CNKSR2: variants seen among roughly 807,000 people sequenced by gnomAD.
The protein encoded by CNKSR2 is connector enhancer of kinase suppressor of Ras 2.
In CNKSR2, 14 loss-of-function variants were observed where a neutral mutation model predicts 84.4. The ratio of observed to expected loss-of-function variants is 0.17; its 90% CI spans 0.11 to 0.26. The LOEUF is 0.26. Among genes scored for constraint, CNKSR2 ranks in the 10% least tolerant of loss-of-function variants. The pLI, the probability that CNKSR2 is intolerant of heterozygous loss-of-function variation, is 1.00. For synonymous variants in CNKSR2, 275 were observed against 277.9 expected, an observed-to-expected ratio of 0.99 and a Z score of 0.10; for missense variants, 485 against 771.2, an observed-to-expected ratio of 0.63 and a Z score of 4.40.
At chrX:21,382,930 T>C (rs1458637972) in intron 1 of CNKSR2, among the ~76,000 whole-genome samples, 2 of 112,322 alleles carry the variant, frequency 1.8e-5, no homozygotes, top group South Asian at 7.2e-4. Context: ...GTTTGCTAAA[T>C]ACAGGTGCCT....
intron 20 of CNKSR2, among the ~76,000 whole-genome samples, chrX:21,624,117 T>G (rs1480237082): frequency 8.9e-6 from 1 of 112,178 alleles, no homozygotes; most frequent in Non-Finnish European, 1.9e-5. Flanking sequence ...TTGATATTAA[T>G]CAGGAGCCCT....
intron 21 of CNKSR2, among the ~76,000 whole-genome samples, chrX:21,650,633 G>A (rs1482719922): frequency 9.0e-6 from 1 of 111,444 alleles, no homozygotes; most frequent in African/African-American, 3.3e-5. Context: ...GGAAACAGAA[G>A]GTCAGAGGGC....
At chrX:21,583,250 TTC>T in intron 13 of CNKSR2, among the ~76,000 whole-genome samples, 1 of 111,729 alleles carries the variant, frequency 9.0e-6, no homozygotes, top group Non-Finnish European at 1.9e-5. Context: ...CTCCAAGTTT[TTC>T]TTTCATGCAC....
At chrX:21,648,643 TTTG>T (rs2092712291) in intron 20 of CNKSR2, among the ~76,000 whole-genome samples, 185 bp from the exon 21 acceptor site, 1 of 110,348 alleles carries the variant, frequency 9.1e-6, no homozygotes, top group Non-Finnish European at 1.9e-5. Context: ...GCTGTGGGTT[TTTG>T]TTGTTGTTTT....
In CNKSR2 at chrX:21,532,105, T is replaced by G. The variant is rs756097058; in HGVS notation, c.1303+38T>G. 8.7e-5 allele frequency: 88 copies of G among 1,012,771 alleles called. No homozygotes were observed. The East Asian group carries it at 1.5e-3, about 17-fold the overall frequency. The allele number at this position is 1,012,771 out of a possible 1,213,427, so 83.5% of individuals were successfully genotyped here. The stretch of plus-strand genomic sequence containing the variant: ...CTTTTATGTTTATATAAGACTATAT[T>G]TCTGGCATAGGAATCTCAATTTCCT... On this transcript the variant is annotated intron_variant, in intron 11 of 21. Coordinates refer to ENST00000379510, the MANE Select transcript of CNKSR2 (RefSeq NM_014927.5).
chrX:21,400,919 A>G (rs1191799392), intron 1 of CNKSR2, among the ~76,000 whole-genome samples: 1 of 111,565 alleles, frequency 9.0e-6, no homozygotes, highest in African/African-American at 3.2e-5. Flanking sequence ...ATCACATTTT[A>G]AAATTTTATG....
chrX:21,445,024 AG>A lies in CNKSR2; in HGVS notation c.519+4244del, dbSNP rs778671263. 2.1e-3 allele frequency among the ~76,000 whole-genome samples: 237 copies of A among 111,427 alleles called. 2 individuals carry two copies. The highest frequency in any genetic ancestry group is 3.7e-3 in the Non-Finnish European group (194 of 52,859). On this transcript the variant is annotated intron_variant, in intron 4 of 21. Transcript: ENST00000379510. ...TACGTATTCTATCGTTCATATGGTA[AG>A]TGTTGAAAGCATATGAAAAGCCTGT...
intron 8 of CNKSR2, chrX:21,505,945 C>A (rs1417041626): frequency 9.1e-6 from 1 of 109,915 alleles, no homozygotes; most frequent in Admixed American, 9.7e-5. Context: ...TTATCATTCT[C>A]ATCTCTTCTC....
chrX:21,604,326 G>A (rs2147274548), intron 18 of CNKSR2, among the ~76,000 whole-genome samples: 1 of 110,644 alleles, frequency 9.0e-6, no homozygotes, highest in South Asian at 3.9e-4. Context: ...TGGAGTGGGG[G>A]GAGGGGGAAG....
At chrX:21,485,031 A>T (rs1291262907) in intron 5 of CNKSR2, among the ~76,000 whole-genome samples, 2 of 110,918 alleles carry the variant, frequency 1.8e-5, no homozygotes, top group African/African-American at 6.6e-5. Flanking sequence ...AAAATACAAA[A>T]AATTAGCGGG....
intron 1 of CNKSR2, among the ~76,000 whole-genome samples, chrX:21,401,575 A>G (rs781633854): frequency 4.5e-5 from 5 of 112,002 alleles, no homozygotes; most frequent in African/African-American, 1.6e-4. Flanking sequence ...ATGTGCACCT[A>G]TGTGCCTATT....
At chrX:21,462,022 G>A (rs919313716) in intron 4 of CNKSR2, among the ~76,000 whole-genome samples, 1 of 111,731 alleles carries the variant, frequency 9.0e-6, no homozygotes. Flanking sequence ...CTATTCTTTT[G>A]TGGTTCCGTA....
intron 13 of CNKSR2, among the ~76,000 whole-genome samples, chrX:21,569,080 A>G (rs1027510248): frequency 8.0e-5 from 9 of 112,100 alleles, no homozygotes; most frequent in Non-Finnish European, 1.5e-4. Flanking sequence ...CCCTGTGCAT[A>G]TAATAGTTAT....
chrX:21,388,190 C>T (rs1459095723), intron 1 of CNKSR2, among the ~76,000 whole-genome samples: 2 of 111,830 alleles, frequency 1.8e-5, no homozygotes, highest in Non-Finnish European at 3.8e-5. Flanking sequence ...TGAGCCACCG[C>T]GCCAGGCCTA....
At chrX:21,427,082 G>T in intron 2 of CNKSR2, 1 of 131,454 alleles carries the variant, frequency 7.6e-6, no homozygotes, top group South Asian at 2.6e-4. Flanking sequence ...TTAAAAGGAT[G>T]GCATCAGAAA....
At chrX:21,432,224 C>T (rs972165434) in intron 2 of CNKSR2, among the ~76,000 whole-genome samples, 5 of 111,208 alleles carry the variant, frequency 4.5e-5, no homozygotes, top group Admixed American at 1.9e-4. Context: ...ACATTCCTGA[C>T]CATGTGTATT....
At chrX:21,484,821 A>C (rs933941451) in intron 5 of CNKSR2, among the ~76,000 whole-genome samples, 3 of 111,822 alleles carry the variant, frequency 2.7e-5, no homozygotes, top group African/African-American at 9.8e-5. Context: ...CTGACATAAG[A>C]GTTTTTTCTG....
intron 9 of CNKSR2, among the ~76,000 whole-genome samples, chrX:21,517,149 C>T (rs903691529): frequency 5.4e-5 from 6 of 111,072 alleles, no homozygotes; most frequent in African/African-American, 1.6e-4. Flanking sequence ...CTTTAGGAGG[C>T]TGAGGTGGGT....
chrX:21,539,905 T>G (rs1005144726), intron 11 of CNKSR2, among the ~76,000 whole-genome samples: 17 of 112,188 alleles, frequency 1.5e-4, no homozygotes, highest in African/African-American at 5.5e-4. Context: ...TAAATAACAG[T>G]TTAATGTATT....
Sources: gnomAD v4.1 joint callset for allele counts (sites outside exome capture counted in the v4.1 genomes callset) on GRCh38, gnomAD v4.1.1 for gene constraint, MANE v1.5 for transcripts, NCBI Gene and HGNC (gene_info 2026-07-23, HGNC 2026-07-21) for gene names.